KIRREL3: variants seen among roughly 807,000 people sequenced by gnomAD.
KIRREL3 encodes kirre like nephrin family adhesion molecule 3, also known as kin of IRRE-like protein 3.
Under a neutral mutation model 89.7 loss-of-function variants are expected in KIRREL3, and 36 were observed. That is an observed-to-expected ratio of 0.40 (90% confidence interval 0.31 to 0.53). The LOEUF (loss-of-function observed/expected upper bound fraction) is 0.53. KIRREL3 is among the 20% of genes least tolerant of loss of function. The pLI is 0.49. For synonymous variants in KIRREL3, 445 were observed against 441.4 expected (o/e 1.01, Z -0.10); for missense variants, 864 against 1,056.6 (o/e 0.82, Z 2.53).
rs1177935991 is a variant in KIRREL3, at chr11:126,955,788, G to C, written c.55+44667C>G. 1.3e-5 allele frequency among the ~76,000 whole-genome samples: 2 copies of C among 152,208 alleles called. No individual in the cohort carries two copies. Among genetic ancestry groups the C allele is most frequent in the African/African-American group, 4.8e-5 (2 of 41,452 alleles). The stretch of plus-strand genomic sequence containing the variant: ...CAGAAAGCTTAGCTCTAGTGAGAGA[G>C]AAGCATTCAGGGCTGATGTTCTGAA... On this transcript the variant is annotated intron_variant, in intron 1 of 16. Transcript: ENST00000525144. The surrounding 1 kb of genome is among the most constrained non-coding windows in gnomAD (Gnocchi z 4.6).
At position 126,548,846 on chromosome 11, in the gene KIRREL3, TGG is replaced by T. The variant is rs570748817; in HGVS notation, c.133+13987_133+13988del. 6.0e-3 allele frequency among the ~76,000 whole-genome samples: 915 copies of T among 152,124 alleles called. 13 individuals are homozygous for T. The highest frequency in any genetic ancestry group is 0.021 in the African/African-American group (871 of 41,514). On this transcript the variant is annotated intron_variant, in intron 2 of 16. Transcript: ENST00000525144. The stretch of plus-strand genomic sequence containing the variant: ...GACGTCAGTGGGCTCACCACGTGGG[TGG>T]GTCCTGGGAGCAACGAGATAGAATA...
Position 126,807,663 on chromosome 11 carries a change from CT to C in KIRREL3, c.55+192791del, listed in dbSNP as rs1198200701. ...CTTGTCACAGTTCCTGCCTGGAGTG[CT>C]TTTCCCCTTACCATTCACCTGGATT... On this transcript the variant is annotated intron_variant, in intron 1 of 16. Transcript: ENST00000525144. This position sits in a 1 kb window ranked among gnomAD's most constrained non-coding sequence, Gnocchi z 4.3. Among the ~76,000 whole-genome samples the C allele has an allele frequency of 6.6e-6, 1 of 152,124 alleles. No individual in the cohort carries two copies. The highest frequency in any genetic ancestry group is 1.9e-4 in the East Asian group (1 of 5,190).
chr11:126,664,797 C>T lies in KIRREL3; in HGVS notation c.56-101885G>A, dbSNP rs1158988370. On this transcript the variant is annotated intron_variant, in intron 1 of 16. Coordinates refer to ENST00000525144, the MANE Select transcript of KIRREL3 (RefSeq NM_032531.4). This position sits in a 1 kb window ranked among gnomAD's most constrained non-coding sequence, Gnocchi z 5.4. ...TTTCCTTTCTAACCCTGGCTGCAGC[C>T]TCATGGCACTACTTCCTCATCTATG... Among the ~76,000 whole-genome samples the T allele has an allele frequency of 1.3e-5, 2 of 152,158 alleles. No individual in the cohort carries two copies. Among genetic ancestry groups the T allele is most frequent in the Admixed American group, 1.3e-4 (2 of 15,284 alleles).
chr11:126,888,827 A>G (rs1289536542), intron 1 of KIRREL3, among the ~76,000 whole-genome samples: 1 of 152,200 alleles, frequency 6.6e-6, no homozygotes, highest in Non-Finnish European at 1.5e-5. Context: ...AAAGGAGATG[A>G]AACCCATTTG....
At position 126,719,143 on chromosome 11, in the gene KIRREL3, A is replaced by T. The variant is rs140231503; in HGVS notation, c.56-156231T>A. 6.6e-6 allele frequency among the ~76,000 whole-genome samples: 1 copy of T among 152,262 alleles called. No homozygotes were observed. The highest frequency in any genetic ancestry group is 2.4e-5 in the African/African-American group (1 of 41,546). On this transcript the variant is annotated intron_variant, in intron 1 of 16. Transcript: ENST00000525144. This position sits in a 1 kb window ranked among gnomAD's most constrained non-coding sequence, Gnocchi z 4.7. ...CTGTCTCCTTCATCTAGACAAACGC[A>T]TTTCCCTTCATTCCGACACTCGGTA...
chr11:126,929,572 T>A (rs1592388675), intron 1 of KIRREL3, among the ~76,000 whole-genome samples: 1 of 152,118 alleles, frequency 6.6e-6, no homozygotes, highest in South Asian at 2.1e-4. Context: ...TAAGACCACG[T>A]AAAAGCAAAC....
At chr11:126,821,351 ATG>A (rs1555047585) in intron 1 of KIRREL3, among the ~76,000 whole-genome samples, 1 of 105,232 alleles carries the variant, frequency 9.5e-6, no homozygotes, top group African/African-American at 4.4e-5. Flanking sequence ...ATATATATAT[ATG>A]TAACTTCCAA....
intron 1 of KIRREL3, among the ~76,000 whole-genome samples, chr11:126,813,464 A>C (rs10736555): frequency 0.86 from 131,506 of 152,116 alleles, 57,168 homozygotes; most frequent in East Asian, 1. Context: ...TTGGTTAAAA[A>C]GTTATAAATA....
chr11:126,821,935 C>T (rs1420768375), intron 1 of KIRREL3, among the ~76,000 whole-genome samples: 2 of 152,112 alleles, frequency 1.3e-5, no homozygotes, highest in Non-Finnish European at 2.9e-5. Context: ...CCTGCAGACA[C>T]ATTGATTTAA....
In KIRREL3 at chr11:126,474,644, G is replaced by T. The variant is rs1011682875; in HGVS notation, c.434-1178C>A. 1.3e-5 allele frequency among the ~76,000 whole-genome samples: 2 copies of T among 152,210 alleles called. No individual in the cohort carries two copies. Among genetic ancestry groups the T allele is most frequent in the African/African-American group, 4.8e-5 (2 of 41,472 alleles). On this transcript the variant is annotated intron_variant, in intron 4 of 16. Coordinates refer to ENST00000525144, the MANE Select transcript of KIRREL3 (RefSeq NM_032531.4). The surrounding 1 kb of genome is among the most constrained non-coding windows in gnomAD (Gnocchi z 6.7). ...TGCATTTTGTAGTAGGGTCAGAGAC[G>T]GGTGGCTCCCATCAAGGGATCCTGA...
intron 1 of KIRREL3, among the ~76,000 whole-genome samples, chr11:126,835,605 A>T (rs1278859885): frequency 6.6e-6 from 1 of 152,230 alleles, no homozygotes; most frequent in Non-Finnish European, 1.5e-5. Context: ...AATTTATAAT[A>T]TCATCAGTGT....
At position 126,863,396 on chromosome 11, in the gene KIRREL3, TGAGTGCGTGAGTGC is replaced by T. The variant is rs1324805910; in HGVS notation, c.55+137045_55+137058del. ...GCGTGTGTGTGTTTGAGTGCGTGTG[TGAGTGCGTGAGTGC>T]GTGTGTGAGCGCATGTGTGTGAGTG... On this transcript the variant is annotated intron_variant, in intron 1 of 16. Transcript: ENST00000525144. 1.2e-4 allele frequency among the ~76,000 whole-genome samples: 14 copies of T among 116,966 alleles called. 1 individual carries two copies. The highest frequency in any genetic ancestry group is 1.1e-3 in the South Asian group (4 of 3,504). The allele number at this position is 116,966 out of a possible 152,430, so 76.7% of individuals were successfully genotyped here.
chr11:126,986,155 C>T (rs1414223475), intron 1 of KIRREL3, among the ~76,000 whole-genome samples: 2 of 152,140 alleles, frequency 1.3e-5, no homozygotes, highest in African/African-American at 4.8e-5. Flanking sequence ...CTGGCTCCCC[C>T]CAAGCCCCTC....
rs1462108330 is a variant in KIRREL3, at chr11:126,615,089, T to C, written c.56-52177A>G. Among the ~76,000 whole-genome samples the C allele has an allele frequency of 1.3e-5, 2 of 152,066 alleles. No individual in the cohort carries two copies. Among genetic ancestry groups the C allele is most frequent in the African/African-American group, 4.8e-5 (2 of 41,384 alleles). ...TTTGAGATGCTCTGGGGGGCTGAAC[T>C]CAGGTCTGTGGGTAGAGAGTCAGGG... On this transcript the variant is annotated intron_variant, in intron 1 of 16. Transcript: ENST00000525144. This position sits in a 1 kb window ranked among gnomAD's most constrained non-coding sequence, Gnocchi z 5.4.
chr11:126,483,112 G>A (rs900375947), intron 4 of KIRREL3, among the ~76,000 whole-genome samples: 1 of 152,196 alleles, frequency 6.6e-6, no homozygotes, highest in Non-Finnish European at 1.5e-5. Context: ...TCATTCCAGA[G>A]GGATCCTGCC....
At position 126,771,332 on chromosome 11, in the gene KIRREL3, G is replaced by A. The variant is rs1418679678; in HGVS notation, c.56-208420C>T. ...CTGCTTGAGTCCAGTTAACAGACAT[G>A]AGGTTTGAACTTTGAAATACCTGCT... On this transcript the variant is annotated intron_variant, in intron 1 of 16. Transcript: ENST00000525144. The surrounding 1 kb of genome is among the most constrained non-coding windows in gnomAD (Gnocchi z 4.4). 1.3e-5 allele frequency among the ~76,000 whole-genome samples: 2 copies of A among 151,950 alleles called. No individual in the cohort carries two copies. Among genetic ancestry groups the A allele is most frequent in the East Asian group, 3.9e-4 (2 of 5,190 alleles).
rs1943068671 is a variant in KIRREL3 at position 126,610,194 on chromosome 11, G to A, written c.56-47282C>T. On this transcript the variant is annotated intron_variant, in intron 1 of 16. Transcript: ENST00000525144. The surrounding 1 kb of genome is among the most constrained non-coding windows in gnomAD (Gnocchi z 4.6). ...CAACCTTCGCCTCCCAGGTTCAAGC[G>A]ATTCTCCTGCCTCAGCCTGCCGAGT... Among the ~76,000 whole-genome samples the A allele has an allele frequency of 6.6e-6, 1 of 152,002 alleles. No homozygotes were observed. Among genetic ancestry groups the A allele is most frequent in the Non-Finnish European group, 1.5e-5 (1 of 68,024 alleles).
intron 1 of KIRREL3, among the ~76,000 whole-genome samples, chr11:126,901,320 C>A (rs1211511001): frequency 6.6e-6 from 1 of 151,734 alleles, no homozygotes; most frequent in Non-Finnish European, 1.5e-5. Context: ...TCACCATTTT[C>A]TTTTCTGTTG....
chr11:126,902,896 T>C (rs1946427447), intron 1 of KIRREL3, among the ~76,000 whole-genome samples: 1 of 152,224 alleles, frequency 6.6e-6, no homozygotes, highest in Admixed American at 6.5e-5. Context: ...GAAAGACTTT[T>C]CTTTAAATAA....
Sources: gnomAD v4.1 joint callset for allele counts (sites outside exome capture counted in the v4.1 genomes callset) on GRCh38, gnomAD v4.1.1 for gene constraint, Gnocchi (gnomAD v3.1) non-coding constraint, MANE v1.5 for transcripts, NCBI Gene and HGNC (gene_info 2026-07-23, HGNC 2026-07-21) for gene names.